The following MEGF10 variants were observed in gnomAD, a reference collection of about 807,000 sequenced individuals.
MEGF10 encodes the protein multiple epidermal growth factor-like domains protein 10.
A neutral mutation model predicts 147.5 loss-of-function variants in MEGF10; 86 were observed. The observed-to-expected ratio is 0.58, with a 90% CI of 0.49 to 0.70. MEGF10 has a LOEUF of 0.70. Ranked by LOEUF, MEGF10 falls within the 30% of genes least tolerant of loss-of-function variation. MEGF10 has a pLI of 0.00. For missense variants in MEGF10, 1,329 were observed against 1,487.3 expected (o/e 0.89, Z 1.75); for synonymous variants, 478 against 525.5 (o/e 0.91, Z 1.24).
chr5:127,372,256 C>T (rs770675187), intron 5 of MEGF10, among the ~76,000 whole-genome samples: 7 of 152,040 alleles, frequency 4.6e-5, no homozygotes, highest in Non-Finnish European at 7.4e-5. Flanking sequence ...ACTTAAGATC[C>T]AATTAGGAGA....
chr5:127,448,485 T>C (rs1021104458), intron 21 of MEGF10, among the ~76,000 whole-genome samples: 1 of 152,156 alleles, frequency 6.6e-6, no homozygotes, highest in Admixed American at 6.5e-5. Context: ...CATACCCAAA[T>C]TATATTTCTA....
At chr5:127,231,376 C>G in the MEGF10 span, among the ~76,000 whole-genome samples, 1 of 152,128 alleles carries the variant, frequency 6.6e-6, no homozygotes, top group East Asian at 1.9e-4. Flanking sequence ...GGCCTCCTTC[C>G]TGTGTCTTGG....
chr5:127,323,511 C>A (rs1760876324), intron 1 of MEGF10, among the ~76,000 whole-genome samples: 2 of 152,220 alleles, frequency 1.3e-5, no homozygotes, highest in Admixed American at 1.3e-4. Flanking sequence ...ATTTCAGAAT[C>A]ATTGCAGGTG....
intron 1 of MEGF10, among the ~76,000 whole-genome samples, chr5:127,321,992 T>G (rs1207656988): frequency 1.3e-5 from 2 of 151,900 alleles, no homozygotes; most frequent in African/African-American, 2.4e-5. Context: ...TATTCTGTTA[T>G]GATTGGATTT....
intron 1 of MEGF10, among the ~76,000 whole-genome samples, chr5:127,304,609 TC>T (rs1265714969): frequency 1.3e-5 from 2 of 152,228 alleles, no homozygotes; most frequent in African/African-American, 4.8e-5. Context: ...TTCTCCCACC[TC>T]AGCCTCCCAG....
chr5:127,335,804 T>G (rs1255708209), intron 2 of MEGF10, among the ~76,000 whole-genome samples: 1 of 151,950 alleles, frequency 6.6e-6, no homozygotes, highest in Non-Finnish European at 1.5e-5. Flanking sequence ...CAACATGCTG[T>G]TGGTGGTTAT....
At chr5:127,304,133 G>A (rs1344672703) in intron 1 of MEGF10, among the ~76,000 whole-genome samples, 1 of 152,202 alleles carries the variant, frequency 6.6e-6, no homozygotes, top group African/African-American at 2.4e-5. Context: ...CATTGAACTT[G>A]TTGAATTAAT....
At chr5:127,363,538 C>A (rs1421812370) in intron 4 of MEGF10, among the ~76,000 whole-genome samples, 1 of 152,076 alleles carries the variant, frequency 6.6e-6, no homozygotes, top group Non-Finnish European at 1.5e-5. Context: ...AACTGTTTTC[C>A]ACATAGGCAT....
intron 4 of MEGF10, among the ~76,000 whole-genome samples, chr5:127,353,197 A>G (rs1762150659): frequency 6.6e-6 from 1 of 152,232 alleles, no homozygotes; most frequent in Non-Finnish European, 1.5e-5. Context: ...ACCTATGGAA[A>G]GGAGAGAGAC....
At chr5:127,304,824 A>G (rs1759939264) in intron 1 of MEGF10, among the ~76,000 whole-genome samples, 2 of 152,122 alleles carry the variant, frequency 1.3e-5, no homozygotes, top group Non-Finnish European at 2.9e-5. Context: ...GTGTATTCAG[A>G]AGGATGCCTC....
At chr5:127,355,406 G>A (rs1383651961) in intron 4 of MEGF10, among the ~76,000 whole-genome samples, 1 of 152,124 alleles carries the variant, frequency 6.6e-6, no homozygotes, top group Non-Finnish European at 1.5e-5. Context: ...GTCAAAGAGA[G>A]CCTGACTGAC....
intron 5 of MEGF10, among the ~76,000 whole-genome samples, chr5:127,386,232 TC>T (rs1763429768): frequency 6.6e-6 from 1 of 152,228 alleles, no homozygotes; most frequent in Non-Finnish European, 1.5e-5. Flanking sequence ...TAGAATCAGT[TC>T]CTTTAATAAG....
the MEGF10 span, among the ~76,000 whole-genome samples, chr5:127,247,473 G>GAAGAAGAAGAAGA: frequency 1.4e-5 from 2 of 147,340 alleles, no homozygotes; most frequent in African/African-American, 5.0e-5. Context: ...AGAAGAAGAA[G>GAAGAAGAAGAAGA]AAGAAGAAGA....
At chr5:127,423,861 A>G (rs952445104) in intron 13 of MEGF10, among the ~76,000 whole-genome samples, 4 of 152,152 alleles carry the variant, frequency 2.6e-5, no homozygotes, top group African/African-American at 7.2e-5. Context: ...CTTTTGCAGC[A>G]GAAAAGTTTT....
chr5:127,395,208 C>G (rs1456170939), intron 5 of MEGF10, among the ~76,000 whole-genome samples: 4 of 152,128 alleles, frequency 2.6e-5, no homozygotes, highest in African/African-American at 9.6e-5. Context: ...TTATCATCAC[C>G]CTCTTTAATT....
Position 127,445,253 on chromosome 5 carries a change from C to T in MEGF10, c.2492-204C>T, listed in dbSNP as rs1408034864. On this transcript the variant is annotated intron_variant, in intron 19 of 24. Coordinates refer to ENST00000503335, the MANE Select transcript of MEGF10 (RefSeq NM_001256545.2). ...AGCTTCTGTCTCTTTTTGAGGCTTA[C>T]AGCAGCCTTTCTCTGGGCATGGATA... The T allele has an allele frequency of 6.9e-6, 4 of 575,898 alleles. No individual in the cohort carries two copies. In the African/African-American group the frequency reaches 7.5e-5, roughly 11 times the overall value. The allele number at this position is 575,898 out of a possible 1,614,324, so 35.7% of individuals were successfully genotyped here. A position where few individuals can be genotyped will look rare whatever the true frequency, so the allele number is the denominator to read the frequency against.
intron 1 of MEGF10, among the ~76,000 whole-genome samples, chr5:127,297,003 G>T (rs1002295434): frequency 6.6e-6 from 1 of 152,030 alleles, no homozygotes; most frequent in Admixed American, 6.5e-5. Flanking sequence ...TTTCATTCTT[G>T]TTGCCCAGGC....
Position 127,339,184 on chromosome 5 carries a change from A to C in MEGF10, c.181A>C (p.Thr61Pro). 6.2e-7 allele frequency: 1 copy of C among 1,612,736 alleles called. No homozygotes were observed. Among genetic ancestry groups the C allele is most frequent in the Non-Finnish European group, 8.5e-7 (1 of 1,178,976 alleles). The change falls in exon 3 of 25, where the codon ACT becomes CCT. Residue 61 changes from threonine to proline, a missense_variant. Physicochemically the swap from Thr to Pro is conservative, Grantham distance 38 (BLOSUM62 -1). Coordinates refer to ENST00000503335, the MANE Select transcript of MEGF10 (RefSeq NM_001256545.2). ...TGATCAAATTTACTACACGAGCTGC[A>C]CTGACATTCTAAACTGGTTTAAATG... ...PFDQIYYTSC[T>P]DILNWFKCTR...
intron 7 of MEGF10, among the ~76,000 whole-genome samples, chr5:127,401,883 A>G (rs993028757): frequency 6.6e-6 from 1 of 152,204 alleles, no homozygotes; most frequent in Non-Finnish European, 1.5e-5. Context: ...TTTTCTCCCC[A>G]GGAAATAAGT....
Sources: gnomAD v4.1 joint callset for allele counts (sites outside exome capture counted in the v4.1 genomes callset) on GRCh38, gnomAD v4.1.1 for gene constraint, MANE v1.5 for transcripts, NCBI Gene and HGNC (gene_info 2026-07-23, HGNC 2026-07-21) for gene names.